The following TAFA1 variants were observed in gnomAD, a reference collection of about 807,000 sequenced individuals.
TAFA1 encodes chemokine-like protein TAFA-1.
TAFA1 carries 4 observed loss-of-function variants against 18.5 expected under a neutral mutation model. The observed-to-expected ratio is 0.22, with a 90% CI of 0.11 to 0.49. The LOEUF is 0.49. TAFA1 is among the 20% of genes least tolerant of loss of function. The probability of loss-of-function intolerance (pLI) is 0.98; values close to 1 mark genes in which losing one functional copy is unlikely to be tolerated. For synonymous variants in TAFA1, 56 were observed against 55.2 expected, an observed-to-expected ratio of 1.01 and a Z score of -0.06; for missense variants, 147 against 169.0, an observed-to-expected ratio of 0.87 and a Z score of 0.72.
chr3:68,405,824 G>T lies in TAFA1; in HGVS notation c.119-11456G>T, dbSNP rs368405251. ...AAGAGCTCAGAAATTTGGGGTCTTTGCAACCTGGAACCTAAAAGGCAAATG... is the reference window on the plus strand; with the variant it reads ...AAGAGCTCAGAAATTTGGGGTCTTTTCAACCTGGAACCTAAAAGGCAAATG... On this transcript the variant is annotated intron_variant, in intron 2 of 4. Transcript: ENST00000478136. Among the ~76,000 whole-genome samples the T allele has an allele frequency of 2.0e-5, 3 of 146,584 alleles. No individual in the cohort carries two copies. The East Asian group carries it at 6.2e-4, about 30-fold the overall frequency.
intron 2 of TAFA1, among the ~76,000 whole-genome samples, chr3:68,141,092 C>T (rs1489250169): frequency 2.6e-5 from 4 of 152,150 alleles, no homozygotes; most frequent in African/African-American, 9.7e-5. Context: ...AGTACTGTAC[C>T]TAAGCTAGTC....
intron 2 of TAFA1, among the ~76,000 whole-genome samples, chr3:68,206,638 T>C (rs985763814): frequency 1.3e-5 from 2 of 151,950 alleles, no homozygotes; most frequent in African/African-American, 4.8e-5. Context: ...TTACACTTTC[T>C]CTCTGAGCTC....
At chr3:68,248,736 C>CG (rs1355390030) in intron 2 of TAFA1, among the ~76,000 whole-genome samples, 1 of 4,230 alleles carries the variant, frequency 2.4e-4, no homozygotes, top group Non-Finnish European at 6.8e-4. Flanking sequence ...GGGCGGGGGG[C>CG]GGGGGGCGGG....
intron 2 of TAFA1, among the ~76,000 whole-genome samples, chr3:68,161,005 A>G (rs2065918953): frequency 6.6e-6 from 1 of 152,204 alleles, no homozygotes; most frequent in African/African-American, 2.4e-5. Context: ...ATCCATTTAG[A>G]TCCACATCTT....
rs554020963 is a variant in TAFA1, at chr3:68,521,504, A to G, written c.260-17252A>G. 2.6e-5 allele frequency among the ~76,000 whole-genome samples: 4 copies of G among 152,274 alleles called. No homozygotes were observed. In the South Asian group the frequency reaches 8.3e-4, roughly 32 times the overall value. On this transcript the variant is annotated intron_variant, in intron 3 of 4. Transcript: ENST00000478136. ...ACGAAGCGTACAGCTTAGTGGAGAG[A>G]TAGATGAGGAAACATTTAAAATACG...
At chr3:68,194,916 G>C (rs1410472820) in intron 2 of TAFA1, among the ~76,000 whole-genome samples, 1 of 151,662 alleles carries the variant, frequency 6.6e-6, no homozygotes, top group Non-Finnish European at 1.5e-5. Context: ...GTCATTATCA[G>C]TACTAACTAG....
At chr3:68,421,829 C>T (rs1014372414) in intron 3 of TAFA1, among the ~76,000 whole-genome samples, 5 of 151,922 alleles carry the variant, frequency 3.3e-5, no homozygotes, top group Admixed American at 6.6e-5. Context: ...TAGAGAGAAA[C>T]TTTTTTTATG....
At chr3:68,007,652 C>T (rs1243062819) in intron 2 of TAFA1, among the ~76,000 whole-genome samples, 2 of 144,040 alleles carry the variant, frequency 1.4e-5, no homozygotes, top group Non-Finnish European at 3.0e-5. Context: ...CAAGTTCGGG[C>T]TCTGGGGACC....
rs79618446 is a variant in TAFA1 at position 68,056,512 on chromosome 3, T to C, written c.118+49768T>C. 5.0e-3 allele frequency among the ~76,000 whole-genome samples: 767 copies of C among 152,246 alleles called. 33 individuals are homozygous for C. In the East Asian group the frequency reaches 0.098, roughly 19 times the overall value. ...ATCCTGAGGTAGATCCAGGTTTATT[T>C]TGGAGATGCAAAACGCTTTAATATG... On this transcript the variant is annotated intron_variant, in intron 2 of 4. Transcript: ENST00000478136.
intron 3 of TAFA1, among the ~76,000 whole-genome samples, chr3:68,507,112 T>G (rs1575933997): frequency 6.6e-6 from 1 of 152,182 alleles, no homozygotes; most frequent in East Asian, 1.9e-4. Context: ...TAGACACAGC[T>G]TCAGAACCTT....
chr3:68,044,010 A>G (rs565248897), intron 2 of TAFA1, among the ~76,000 whole-genome samples: 1 of 152,328 alleles, frequency 6.6e-6, no homozygotes, highest in South Asian at 2.1e-4. Context: ...CACTCAGACA[A>G]AAAGGCTAGG....
intron 4 of TAFA1, among the ~76,000 whole-genome samples, chr3:68,542,107 C>T (rs1364512542): frequency 6.6e-6 from 1 of 152,108 alleles, no homozygotes; most frequent in Non-Finnish European, 1.5e-5. Context: ...TAGGCAAAGC[C>T]TTTTCTTTCA....
intron 2 of TAFA1, among the ~76,000 whole-genome samples, chr3:68,173,287 A>G (rs551008236): frequency 8.6e-5 from 13 of 150,392 alleles, no homozygotes; most frequent in African/African-American, 3.0e-4. Flanking sequence ...AAAAACTGTC[A>G]CAGAAACATG....
intron 2 of TAFA1, among the ~76,000 whole-genome samples, chr3:68,391,449 C>T (rs2070244044): frequency 6.6e-6 from 1 of 152,102 alleles, no homozygotes; most frequent in Non-Finnish European, 1.5e-5. Context: ...GGATATTATC[C>T]AGGAGAACTT....
At chr3:68,004,776 T>G (rs1049755987) in intron 1 of TAFA1, 74 bp downstream of exon 1, 1 of 152,152 alleles carries the variant, frequency 6.6e-6, no homozygotes, top group African/African-American at 2.4e-5. Context: ...TAGAGAACTG[T>G]GCAAGGCTGA....
chr3:68,481,643 G>T (rs2072238156), intron 3 of TAFA1, among the ~76,000 whole-genome samples: 1 of 152,096 alleles, frequency 6.6e-6, no homozygotes, highest in South Asian at 2.1e-4. Context: ...CTTACCTCCA[G>T]GGGTATTGAG....
At chr3:68,171,319 G>T (rs2066050626) in intron 2 of TAFA1, among the ~76,000 whole-genome samples, 2 of 152,144 alleles carry the variant, frequency 1.3e-5, no homozygotes, top group Non-Finnish European at 2.9e-5. Context: ...CAAGAAAATA[G>T]ATTGTTCTAT....
intron 2 of TAFA1, among the ~76,000 whole-genome samples, chr3:68,076,176 T>G (rs1382731511): frequency 2.6e-5 from 4 of 152,142 alleles, no homozygotes; most frequent in African/African-American, 9.7e-5. Context: ...TGTTTTTACT[T>G]GTGGTGTAGT....
chr3:68,497,259 T>G (rs2072565591), intron 3 of TAFA1, among the ~76,000 whole-genome samples: 1 of 152,172 alleles, frequency 6.6e-6, no homozygotes, highest in Non-Finnish European at 1.5e-5. Context: ...CTTTAACATA[T>G]GTCCACTCAT....
Sources: allele counts gnomAD v4.1 joint callset (sites outside exome capture counted in the v4.1 genomes callset), GRCh38; gene constraint gnomAD v4.1.1; transcripts MANE v1.5; gene names NCBI Gene and HGNC (gene_info 2026-07-23, HGNC 2026-07-21).